The following ATP9A variants were observed in gnomAD, a reference collection of about 807,000 sequenced individuals.
ATP9A encodes the protein ATPase phospholipid transporting 9A.
A neutral mutation model predicts 144.1 loss-of-function variants in ATP9A; 52 were observed. That is an observed-to-expected ratio of 0.36 (90% confidence interval 0.29 to 0.45). ATP9A has a LOEUF of 0.45. Among genes scored for constraint, ATP9A ranks in the 20% least tolerant of loss-of-function variants. ATP9A has a pLI of 1.00. For missense variants in ATP9A, 947 were observed against 1,392.7 expected (o/e 0.68, Z 5.09); for synonymous variants, 582 against 557.4 (o/e 1.04, Z -0.62).
chr20:51,680,001 G>A (rs924017432), intron 9 of ATP9A, among the ~76,000 whole-genome samples: 3 of 152,048 alleles, frequency 2.0e-5, no homozygotes, highest in Non-Finnish European at 4.4e-5. Flanking sequence ...AGGCTGAGGC[G>A]GGTGGATCAC....
At chr20:51,627,811 T>C in intron 16 of ATP9A, 128 bp from the exon 17 acceptor site, 1 of 775,276 alleles carries the variant, frequency 1.3e-6, no homozygotes, top group Non-Finnish European at 2.2e-6. Context: ...AGAAAGTTGC[T>C]TTCCCCTACG....
intron 5 of ATP9A, 120 bp from the exon 6 acceptor site, chr20:51,696,264 C>G (rs1313541027): frequency 1.4e-6 from 1 of 706,728 alleles, no homozygotes; most frequent in Admixed American, 2.5e-5. Context: ...GGGACTGAAA[C>G]TCACAGACTC....
chr20:51,717,200 C>T (rs1158989298), intron 3 of ATP9A, among the ~76,000 whole-genome samples: 2 of 150,394 alleles, frequency 1.3e-5, no homozygotes, highest in Non-Finnish European at 3.0e-5. Context: ...AAGATCTAAA[C>T]CCAAACCACT....
rs8118152 is a variant in ATP9A, at chr20:51,733,110, A to C, written c.69-3132T>G. On this transcript the variant is annotated intron_variant, in intron 1 of 27. Transcript: ENST00000338821. The stretch of plus-strand genomic sequence containing the variant: ...AGCAGAAGTTTCCAGACATCAAGCT[A>C]TCCGGTTACAGTTATGCTATTTATT... Among the ~76,000 whole-genome samples, 1,426 of 152,258 alleles carry C rather than the reference A, an allele frequency of 9.4e-3. 18 individuals are homozygous for C. The highest frequency in any genetic ancestry group is 0.032 in the African/African-American group (1,341 of 41,548).
intron 4 of ATP9A, among the ~76,000 whole-genome samples, chr20:51,698,838 G>C (rs975744369): frequency 1.3e-5 from 2 of 152,208 alleles, no homozygotes; most frequent in Admixed American, 6.5e-5. Flanking sequence ...CATCAGGAAA[G>C]CAGGGAACAG....
At chr20:51,605,337 G>A (rs761208840) in intron 26 of ATP9A, among the ~76,000 whole-genome samples, 7 of 152,222 alleles carry the variant, frequency 4.6e-5, no homozygotes, top group African/African-American at 9.6e-5. Flanking sequence ...ATGGAGTCGC[G>A]GCCAGGCGCG....
intron 1 of ATP9A, among the ~76,000 whole-genome samples, chr20:51,733,889 G>T (rs1460564243): frequency 5.9e-5 from 9 of 151,502 alleles, no homozygotes; most frequent in Non-Finnish European, 1.0e-4. Context: ...GTCCAGGGTG[G>T]TCTCAAACAC....
intron 23 of ATP9A, 75 bp from the exon 24 acceptor site, chr20:51,610,240 C>G (rs374009590): frequency 8.0e-7 from 1 of 1,243,008 alleles, no homozygotes; most frequent in Non-Finnish European, 1.2e-6. Context: ...AAAAATAACA[C>G]CTGATACTTA....
chr20:51,691,423 C>T (rs763463887), intron 7 of ATP9A, among the ~76,000 whole-genome samples: 6 of 152,114 alleles, frequency 3.9e-5, no homozygotes, highest in Non-Finnish European at 7.4e-5. Flanking sequence ...AAGCTGAGAT[C>T]GCGCCACTGC....
chr20:51,717,733 A>T (rs1163539841), intron 3 of ATP9A, among the ~76,000 whole-genome samples: 1 of 152,082 alleles, frequency 6.6e-6, no homozygotes, highest in East Asian at 1.9e-4. Context: ...GGGCAGGCAG[A>T]TCATGAGGTC....
chr20:51,651,273 TATTTACATAATATATTATATAATATATA>T (rs2077364152), intron 14 of ATP9A, among the ~76,000 whole-genome samples: 1 of 139,278 alleles, frequency 7.2e-6, no homozygotes, highest in Non-Finnish European at 1.5e-5. Flanking sequence ...ATATAATATA[TATTTACATAATATATTATATAATATATA>T]TTTACATAAT....
chr20:51,696,568 A>T (rs962107611), intron 5 of ATP9A, among the ~76,000 whole-genome samples: 1 of 152,150 alleles, frequency 6.6e-6, no homozygotes, highest in African/African-American at 2.4e-5. Flanking sequence ...GATTTTAATA[A>T]GGAAGGAAAG....
intron 3 of ATP9A, among the ~76,000 whole-genome samples, chr20:51,724,216 C>A (rs2077702651): frequency 6.6e-6 from 1 of 152,120 alleles, no homozygotes; most frequent in African/African-American, 2.4e-5. Flanking sequence ...GATTTATGAA[C>A]AGAGAATCCA....
At chr20:51,638,129 T>C (rs1339348751) in intron 15 of ATP9A, among the ~76,000 whole-genome samples, 1 of 90,084 alleles carries the variant, frequency 1.1e-5, no homozygotes, top group Non-Finnish European at 2.3e-5. Flanking sequence ...ATATATCTCA[T>C]AGTTCCTTTA....
chr20:51,767,294 C>T (rs967951717), intron 1 of ATP9A, among the ~76,000 whole-genome samples: 2 of 152,158 alleles, frequency 1.3e-5, no homozygotes, highest in African/African-American at 2.4e-5. Context: ...GCCTCACCTG[C>T]GCGGCCTGTG....
In ATP9A at chr20:51,639,759, C is replaced by T. The variant is rs118000489; in HGVS notation, c.1507-255G>A. ...TCTAGGCTCAAAACAGGCTGCACAC[C>T]AGAGGCATGGCGGAAAGAGATGGCA... On this transcript the variant is annotated intron_variant, in intron 14 of 27. Coordinates refer to ENST00000338821, the MANE Select transcript of ATP9A (RefSeq NM_006045.3). Among the ~76,000 whole-genome samples, 3,832 of 152,244 alleles carry T rather than the reference C, an allele frequency of 0.025. 81 individuals are homozygous for T. Among genetic ancestry groups the T allele is most frequent in the Non-Finnish European group, 0.034 (2,282 of 68,020 alleles).
intron 2 of ATP9A, among the ~76,000 whole-genome samples, chr20:51,726,698 C>G (rs1185466376): frequency 6.6e-6 from 1 of 151,954 alleles, no homozygotes; most frequent in Non-Finnish European, 1.5e-5. Context: ...CCTGTCACAG[C>G]CTCCCAAGTA....
chr20:51,617,512 C>T lies in ATP9A; in HGVS notation c.2393G>A (p.Cys798Tyr). 6.2e-7 allele frequency: 1 copy of T among 1,612,186 alleles called. No homozygotes were observed. The highest frequency in any genetic ancestry group is 8.5e-7 in the Non-Finnish European group (1 of 1,179,146). Residue 798 changes from cysteine (C) to tyrosine (Y), a missense_variant, in exon 22 of 28, where the codon TGC becomes TAC. This residue lies in a region of ATP9A where 177 missense variants were observed against 344.9 expected (regional missense o/e 0.51). Transcript: ENST00000338821. ...CACCTTTCCTTCCACTCCCACGCCG[C>T]AGTCAGATTCCTGAATCATGCTGAC... ...NDVSMIQESD[C>Y]GVGVEGKEGK...
chr20:51,648,420 G>A (rs1413303139), intron 14 of ATP9A, among the ~76,000 whole-genome samples: 1 of 152,196 alleles, frequency 6.6e-6, no homozygotes, highest in Non-Finnish European at 1.5e-5. Context: ...GGAAGGCAAT[G>A]CATCGTGGCA....
Sources: allele counts gnomAD v4.1 joint callset (sites outside exome capture counted in the v4.1 genomes callset), GRCh38; gene constraint gnomAD v4.1.1; regional missense constraint gnomAD v4.1.1; transcripts MANE v1.5; gene names NCBI Gene and HGNC (gene_info 2026-07-23, HGNC 2026-07-21).